SGSM1: variants seen among roughly 807,000 people sequenced by gnomAD.
SGSM1 encodes the protein small G protein signaling modulator 1, also known as RUN and TBC1 domain containing 2.
Under a neutral mutation model 133.8 loss-of-function variants are expected in SGSM1, and 73 were observed. That is an observed-to-expected ratio of 0.55 (90% confidence interval 0.45 to 0.66). The LOEUF (loss-of-function observed/expected upper bound fraction) is 0.66. SGSM1 is among the 30% of genes least tolerant of loss of function. SGSM1 has a pLI of 0.00. For missense variants in SGSM1, 1,213 were observed against 1,448.1 expected (o/e 0.84, Z 2.64); for synonymous variants, 563 against 573.0 (o/e 0.98, Z 0.25).
At chr22:24,860,410 C>T (rs1931054492) in intron 9 of SGSM1, among the ~76,000 whole-genome samples, 2 of 152,120 alleles carry the variant, frequency 1.3e-5, no homozygotes, top group Non-Finnish European at 1.5e-5. Flanking sequence ...AATATTTTAG[C>T]TTGAGGAGGC....
At chr22:24,828,737 G>A (rs1928936246) in intron 2 of SGSM1, among the ~76,000 whole-genome samples, 1 of 152,220 alleles carries the variant, frequency 6.6e-6, no homozygotes, top group African/African-American at 2.4e-5. Context: ...TATAACCAAA[G>A]GAGTGTAAAT....
intron 3 of SGSM1, among the ~76,000 whole-genome samples, chr22:24,845,644 C>G (rs996685335): frequency 2.0e-5 from 3 of 152,190 alleles, no homozygotes; most frequent in Non-Finnish European, 2.9e-5. Flanking sequence ...ATTCCCCTCC[C>G]GTGATCTTGG....
At chr22:24,846,023 C>CATT (rs1930128035) in intron 3 of SGSM1, among the ~76,000 whole-genome samples, 2 of 102,034 alleles carry the variant, frequency 2.0e-5, no homozygotes, top group Non-Finnish European at 4.0e-5. Context: ...ATTTCTTTCT[C>CATT]TCTTTCTCTC....
intron 14 of SGSM1, among the ~76,000 whole-genome samples, chr22:24,879,791 C>T (rs972314772): frequency 6.6e-6 from 1 of 152,166 alleles, no homozygotes; most frequent in East Asian, 1.9e-4. Context: ...TTAATCACCA[C>T]TGCATCCCCA....
At chr22:24,861,857 A>G (rs1432694674) in intron 9 of SGSM1, among the ~76,000 whole-genome samples, 2 of 149,646 alleles carry the variant, frequency 1.3e-5, no homozygotes, top group African/African-American at 4.9e-5. Context: ...TTATATGGAG[A>G]TGGTTTCTCG....
At chr22:24,845,692 C>G (rs1051203653) in intron 3 of SGSM1, among the ~76,000 whole-genome samples, 1 of 152,210 alleles carries the variant, frequency 6.6e-6, no homozygotes, top group African/African-American at 2.4e-5. Flanking sequence ...GCTGGCCAGC[C>G]CATCAGCTGC....
Position 24,898,360 on chromosome 22 carries a change from T to C in SGSM1, c.2411T>C (p.Met804Thr). Residue 804 changes from methionine (M) to threonine (T), a missense_variant, in exon 19 of 25, where the codon ATG becomes ACG. Transcript: ENST00000400358. ...ATGTCCATCACGGGCAGCCTGGACATGGCCCTGCCTGAAAAGGACGATGTT... is the reference window on the plus strand; with the variant it reads ...ATGTCCATCACGGGCAGCCTGGACACGGCCCTGCCTGAAAAGGACGATGTT... ...EFMSITGSLDMALPEKDDVVM... is the reference protein window; with the variant it reads ...EFMSITGSLDTALPEKDDVVM... 6.2e-7 allele frequency: 1 copy of C among 1,613,714 alleles called. No individual in the cohort carries two copies. Among genetic ancestry groups the C allele is most frequent in the South Asian group, 1.1e-5 (1 of 91,060 alleles).
intron 24 of SGSM1, among the ~76,000 whole-genome samples, chr22:24,922,769 C>A (rs1934058987): frequency 3.3e-5 from 5 of 152,240 alleles, no homozygotes; most frequent in Admixed American, 3.3e-4. Context: ...AGCCACCGGG[C>A]CTGGCCCATG....
In SGSM1 at chr22:24,876,694, C is replaced by T. The variant is rs1453391173; in HGVS notation, c.1409C>T (p.Thr470Ile). ...SQSGSADGSSTNGCNHERAPL... is the reference protein window; with the variant it reads ...SQSGSADGSSINGCNHERAPL... ...AGTGGCTCGGCTGATGGTAGCTCGA[C>T]CAATGGCTGCAACCATGAGAGGTAT... Residue 470 changes from threonine to isoleucine, a missense_variant, in exon 13 of 25, where the codon ACC becomes ATC. Thr to Ile is a moderately conservative substitution (Grantham distance 89). Coordinates refer to ENST00000400358, the MANE Select transcript of SGSM1 (RefSeq NM_001098497.3). 6.2e-7 allele frequency: 1 copy of T among 1,613,814 alleles called. No individual in the cohort carries two copies. Among genetic ancestry groups the T allele is most frequent in the African/African-American group, 1.3e-5 (1 of 74,896 alleles).
At chr22:24,879,290 C>A (rs1374067675) in intron 13 of SGSM1, among the ~76,000 whole-genome samples, 172 bp from the exon 14 acceptor site, 3 of 152,128 alleles carry the variant, frequency 2.0e-5, no homozygotes, top group African/African-American at 7.2e-5. Flanking sequence ...GGGGCCGGTA[C>A]CAGAAGAGGC....
At chr22:24,853,931 A>G (rs1930634002) in intron 5 of SGSM1, among the ~76,000 whole-genome samples, 2 of 152,072 alleles carry the variant, frequency 1.3e-5, no homozygotes, top group South Asian at 4.1e-4. Context: ...GGCACTTCTT[A>G]CATGGCGGCG....
chr22:24,903,831 G>C (rs943537548), intron 20 of SGSM1, among the ~76,000 whole-genome samples: 5 of 152,082 alleles, frequency 3.3e-5, no homozygotes, highest in Non-Finnish European at 7.4e-5. Flanking sequence ...AATTAGCCAG[G>C]TGTGGTGGCA....
At chr22:24,858,281 G>C (rs144194833) in intron 8 of SGSM1, among the ~76,000 whole-genome samples, 1 of 152,294 alleles carries the variant, frequency 6.6e-6, no homozygotes, top group East Asian at 1.9e-4. Flanking sequence ...CGCCCAGCCT[G>C]TGATGGTTCT....
chr22:24,923,008 A>G (rs1934067788), intron 24 of SGSM1, among the ~76,000 whole-genome samples: 1 of 152,144 alleles, frequency 6.6e-6, no homozygotes. Flanking sequence ...CATACCTGTA[A>G]TCCCAGCTAC....
rs1934146298 is a variant in SGSM1, at chr22:24,924,961, A to G, written c.*687A>G. The G allele has an allele frequency of 6.6e-6, 1 of 152,236 alleles. No individual in the cohort carries two copies. Among genetic ancestry groups the G allele is most frequent in the Non-Finnish European group, 1.5e-5 (1 of 68,100 alleles). 9.4% of individuals were successfully genotyped at this position (152,236 alleles called of 1,614,324 possible). A position where few individuals can be genotyped will look rare whatever the true frequency, so the allele number is the denominator to read the frequency against. ...TTCCCTGCAGGGCAAAATTGCCCCCATTTGAGAACCACTGGCTTGGAGAAG... is the reference window on the plus strand; with the variant it reads ...TTCCCTGCAGGGCAAAATTGCCCCCGTTTGAGAACCACTGGCTTGGAGAAG... On this transcript the variant is annotated 3_prime_UTR_variant, in exon 25 of 25. Transcript: ENST00000400358.
intron 9 of SGSM1, 93 bp downstream of exon 9, chr22:24,859,933 C>T (rs1240918286): frequency 8.5e-6 from 13 of 1,536,576 alleles, no homozygotes; most frequent in East Asian, 6.9e-5. Flanking sequence ...GTTTGTATCC[C>T]GCCCCTGCTT....
intron 21 of SGSM1, among the ~76,000 whole-genome samples, chr22:24,909,969 TA>T (rs1245796506): frequency 1.3e-5 from 2 of 152,208 alleles, no homozygotes. Context: ...TATGAATGCA[TA>T]AACAAAATGT....
intron 9 of SGSM1, among the ~76,000 whole-genome samples, chr22:24,861,214 A>G (rs949920031): frequency 6.6e-6 from 1 of 151,194 alleles, no homozygotes; most frequent in Non-Finnish European, 1.5e-5. Flanking sequence ...TTAGCTGGGC[A>G]TGGTGGCGGG....
At chr22:24,861,220 G>A (rs535686669) in intron 9 of SGSM1, among the ~76,000 whole-genome samples, 110 of 151,290 alleles carry the variant, frequency 7.3e-4, no homozygotes, top group Non-Finnish European at 1.3e-3. Flanking sequence ...GGGCATGGTG[G>A]CGGGCACCTG....
Sources: allele counts gnomAD v4.1 joint callset (sites outside exome capture counted in the v4.1 genomes callset), GRCh38; gene constraint gnomAD v4.1.1; transcripts MANE v1.5; gene names NCBI Gene and HGNC (gene_info 2026-07-23, HGNC 2026-07-21).